TBL1XR1: variants seen among roughly 807,000 people sequenced by gnomAD.
TBL1XR1 encodes the protein F-box-like/WD repeat-containing protein TBL1XR1.
In TBL1XR1, 5 loss-of-function variants were observed where a neutral mutation model predicts 66.9. The ratio of observed to expected loss-of-function variants is 0.07; its 90% CI spans 0.04 to 0.16. The LOEUF (loss-of-function observed/expected upper bound fraction) is 0.16. Ranked by LOEUF, TBL1XR1 falls within the 10% of genes least tolerant of loss-of-function variation. The pLI is 1.00. For missense variants in TBL1XR1, 238 were observed against 623.2 expected (o/e 0.38, Z 6.58); for synonymous variants, 210 against 206.0 (o/e 1.02, Z -0.17).
chr3:177,185,225 C>A (rs1735262407), intron 1 of TBL1XR1, among the ~76,000 whole-genome samples: 1 of 152,206 alleles, frequency 6.6e-6, no homozygotes. Flanking sequence ...ACTCTAAGCA[C>A]ACACAACAAG....
At chr3:177,112,105 ATATTTT>A (rs1365194248) in intron 1 of TBL1XR1, among the ~76,000 whole-genome samples, 216 of 40,220 alleles carry the variant, frequency 5.4e-3, no homozygotes, top group African/African-American at 0.03. Flanking sequence ...ATATATATAT[ATATTTT>A]TTTTTTTTTT....
intron 1 of TBL1XR1, among the ~76,000 whole-genome samples, chr3:177,193,305 C>A (rs1476414220): frequency 1.3e-5 from 2 of 152,014 alleles, no homozygotes; most frequent in African/African-American, 4.8e-5. Context: ...TTTTCTTACA[C>A]AAATTTTTTG....
chr3:177,116,325 G>C (rs1726306964), intron 1 of TBL1XR1, among the ~76,000 whole-genome samples: 1 of 151,982 alleles, frequency 6.6e-6, no homozygotes, highest in Non-Finnish European at 1.5e-5. Context: ...CACCCAACTT[G>C]TCACCCAAAC....
intron 3 of TBL1XR1, among the ~76,000 whole-genome samples, chr3:177,056,410 C>A (rs1205893787): frequency 1.3e-5 from 2 of 152,032 alleles, no homozygotes; most frequent in Non-Finnish European, 2.9e-5. Flanking sequence ...TCTGTCAGAC[C>A]AGGAGAAAAA....
chr3:177,181,770 G>C (rs1157676766), intron 1 of TBL1XR1, among the ~76,000 whole-genome samples: 1 of 150,832 alleles, frequency 6.6e-6, no homozygotes. Flanking sequence ...CAGAAAAAAA[G>C]CCAGGCAAGA....
At chr3:177,177,192 T>C (rs565671366) in intron 1 of TBL1XR1, among the ~76,000 whole-genome samples, 2 of 152,108 alleles carry the variant, frequency 1.3e-5, no homozygotes, top group African/African-American at 2.4e-5. Flanking sequence ...ACTAAAGGAG[T>C]TCTGACCCAT....
intron 1 of TBL1XR1, among the ~76,000 whole-genome samples, chr3:177,115,789 C>A (rs1002155273): frequency 4.6e-5 from 7 of 152,146 alleles, no homozygotes; most frequent in African/African-American, 1.7e-4. Context: ...ATTAACTATT[C>A]ATTTAACAAC....
At chr3:177,071,185 C>A (rs532324406) in intron 2 of TBL1XR1, among the ~76,000 whole-genome samples, 1 of 152,042 alleles carries the variant, frequency 6.6e-6, no homozygotes, top group South Asian at 2.1e-4. Flanking sequence ...CACCCGCCAC[C>A]GTGCCCGGCT....
intron 1 of TBL1XR1, among the ~76,000 whole-genome samples, chr3:177,127,533 T>C (rs921419511): frequency 1.3e-5 from 2 of 152,222 alleles, no homozygotes; most frequent in Non-Finnish European, 2.9e-5. Flanking sequence ...TTGTATACTA[T>C]TCTTCACACA....
chr3:177,167,442 TACA>T (rs1732955974), intron 1 of TBL1XR1, among the ~76,000 whole-genome samples: 1 of 152,190 alleles, frequency 6.6e-6, no homozygotes, highest in Admixed American at 6.5e-5. Flanking sequence ...ACGCAGAACG[TACA>T]ACACCAAGAG....
At chr3:177,136,822 C>T (rs543739846) in intron 1 of TBL1XR1, among the ~76,000 whole-genome samples, 7 of 152,224 alleles carry the variant, frequency 4.6e-5, no homozygotes, top group South Asian at 2.1e-4. Context: ...TACTCTCTTC[C>T]CCCAGGGCTT....
chr3:177,177,528 T>C (rs553125639), intron 1 of TBL1XR1, among the ~76,000 whole-genome samples: 2 of 152,344 alleles, frequency 1.3e-5, no homozygotes, highest in Non-Finnish European at 1.5e-5. Context: ...TTCAGATTGG[T>C]CCATCAATTA....
At chr3:177,053,504 C>T (rs1717386676) in intron 4 of TBL1XR1, among the ~76,000 whole-genome samples, 1 of 152,208 alleles carries the variant, frequency 6.6e-6, no homozygotes, top group East Asian at 1.9e-4. Context: ...TAGCATTCCA[C>T]AGCACAATGC....
chr3:177,093,344 C>G (rs910924053), intron 2 of TBL1XR1, among the ~76,000 whole-genome samples: 5 of 152,112 alleles, frequency 3.3e-5, no homozygotes, highest in Non-Finnish European at 7.4e-5. Flanking sequence ...CAAATGGAAA[C>G]ACATCCTGTG....
chr3:177,067,003 G>A (rs1719248647), intron 2 of TBL1XR1, among the ~76,000 whole-genome samples: 1 of 152,138 alleles, frequency 6.6e-6, no homozygotes, highest in African/African-American at 2.4e-5. Context: ...CTCTTTTGAG[G>A]ATACTGGCCC....
At chr3:177,066,621 T>C (rs1179047435) in intron 2 of TBL1XR1, among the ~76,000 whole-genome samples, 2 of 152,130 alleles carry the variant, frequency 1.3e-5, no homozygotes, top group Non-Finnish European at 2.9e-5. Flanking sequence ...AGAAGCTAGA[T>C]TGGAGTAAGA....
At chr3:177,079,267 T>A (rs1560150119) in intron 2 of TBL1XR1, among the ~76,000 whole-genome samples, 1 of 149,742 alleles carries the variant, frequency 6.7e-6, no homozygotes, top group Non-Finnish European at 1.5e-5. Context: ...CCGTCTCCAC[T>A]AAAAAAATAC....
chr3:177,050,651 T>C (rs367645601), intron 5 of TBL1XR1, 41 bp from the exon 6 acceptor site: 110 of 1,610,266 alleles, frequency 6.8e-5, no homozygotes, highest in African/African-American at 9.3e-5. Context: ...AGTTAGGCAG[T>C]ATTACAACAT....
intron 1 of TBL1XR1, among the ~76,000 whole-genome samples, chr3:177,167,018 T>A (rs1323437746): frequency 6.6e-6 from 1 of 152,210 alleles, no homozygotes; most frequent in Non-Finnish European, 1.5e-5. Context: ...CAAGTTTAAA[T>A]CTTGTGTCCA....
Sources: allele counts gnomAD v4.1 joint callset (sites outside exome capture counted in the v4.1 genomes callset), GRCh38; gene constraint gnomAD v4.1.1; transcripts MANE v1.5; gene names NCBI Gene and HGNC (gene_info 2026-07-23, HGNC 2026-07-21).